Variants in TCF7L1 observed in about 807,000 individuals in gnomAD.
TCF7L1 encodes transcription factor 7-like 1.
Under a neutral mutation model 63.7 loss-of-function variants are expected in TCF7L1, and 18 were observed. The ratio of observed to expected loss-of-function variants is 0.28; its 90% CI spans 0.20 to 0.42. The LOEUF (loss-of-function observed/expected upper bound fraction) is 0.42, where lower values mean the gene tolerates loss of function less well. Ranked by LOEUF, TCF7L1 falls within the 10% of genes least tolerant of loss-of-function variation. TCF7L1 has a pLI of 1.00. For missense variants in TCF7L1, 654 were observed against 779.3 expected, an observed-to-expected ratio of 0.84 and a Z score of 1.91; for synonymous variants, 355 against 340.9, an observed-to-expected ratio of 1.04 and a Z score of -0.46.
chr2:85,309,508 A>AATG lies in TCF7L1; in HGVS notation c.*49_*51dup. On this transcript the variant is annotated 3_prime_UTR_variant, in exon 12 of 12. Transcript: ENST00000282111. ...GCTGTCACATGACTCATTGAGTAGT[A>AATG]ATGATTCAGAAGAAAAAGAAAAAGG... The AATG allele has an allele frequency of 6.7e-7, 1 of 1,503,192 alleles. No homozygotes were observed. Among genetic ancestry groups the AATG allele is most frequent in the Non-Finnish European group, 8.9e-7 (1 of 1,123,642 alleles). The allele number at this position is 1,503,192 out of a possible 1,614,324, so 93.1% of individuals were successfully genotyped here. A position where few individuals can be genotyped will look rare whatever the true frequency, so the allele number is the denominator to read the frequency against.
intron 8 of TCF7L1, 85 bp downstream of exon 8, chr2:85,305,488 A>G (rs1239663364): frequency 1.4e-6 from 2 of 1,466,782 alleles, no homozygotes; most frequent in East Asian, 2.4e-5. Flanking sequence ...AATGTCATGT[A>G]CTCTTCTCTC....
chr2:85,222,128 G>A (rs940292112), intron 3 of TCF7L1, among the ~76,000 whole-genome samples: 1 of 152,022 alleles, frequency 6.6e-6, no homozygotes, highest in Admixed American at 6.5e-5. Flanking sequence ...GATCACCTGA[G>A]GTCAGGAGTT....
At chr2:85,227,438 C>CTTT (rs562921251) in intron 3 of TCF7L1, among the ~76,000 whole-genome samples, 10 of 141,654 alleles carry the variant, frequency 7.1e-5, no homozygotes, top group African/African-American at 2.3e-4. Context: ...AATACCCCCT[C>CTTT]TTTTTTTTTT....
intron 3 of TCF7L1, among the ~76,000 whole-genome samples, chr2:85,214,270 C>T (rs1572994832): frequency 6.6e-6 from 1 of 152,202 alleles, no homozygotes; most frequent in African/African-American, 2.4e-5. Flanking sequence ...ATTCGATTAC[C>T]GGGTGATGCT....
intron 3 of TCF7L1, among the ~76,000 whole-genome samples, chr2:85,204,232 T>G (rs765422455): frequency 2.6e-5 from 4 of 151,964 alleles, no homozygotes; most frequent in Middle Eastern, 6.8e-3. Flanking sequence ...CTACTATGTA[T>G]TATTTTGTGG....
chr2:85,210,690 C>T (rs561435923), intron 3 of TCF7L1, among the ~76,000 whole-genome samples: 2 of 152,158 alleles, frequency 1.3e-5, no homozygotes, highest in Admixed American at 6.5e-5. Context: ...TTCCATGGGG[C>T]GTGGCAAGGG....
At chr2:85,222,028 T>A (rs1217605785) in intron 3 of TCF7L1, among the ~76,000 whole-genome samples, 1 of 151,454 alleles carries the variant, frequency 6.6e-6, no homozygotes, top group Non-Finnish European at 1.5e-5. Flanking sequence ...GAAAGACTCC[T>A]AAAGATTAAA....
intron 3 of TCF7L1, among the ~76,000 whole-genome samples, chr2:85,239,689 T>C (rs1424477182): frequency 1.3e-5 from 2 of 152,124 alleles, no homozygotes; most frequent in African/African-American, 2.4e-5. Context: ...ATGCCTGTAA[T>C]CCAGGCACCT....
At chr2:85,226,917 CA>C (rs777896320) in intron 3 of TCF7L1, among the ~76,000 whole-genome samples, 2 of 149,662 alleles carry the variant, frequency 1.3e-5, no homozygotes, top group East Asian at 2.0e-4. Context: ...AAATTGAACA[CA>C]AGGTCTTGCT....
chr2:85,233,425 C>T (rs556484366), intron 3 of TCF7L1, among the ~76,000 whole-genome samples: 2 of 151,608 alleles, frequency 1.3e-5, no homozygotes, highest in African/African-American at 4.8e-5. Context: ...AAGTGATTCT[C>T]CTGCCTCAGT....
chr2:85,306,960 G>A lies in TCF7L1; in HGVS notation c.1257+401G>A, dbSNP rs987771441. Among the ~76,000 whole-genome samples, 8 of 152,310 alleles carry A rather than the reference G, an allele frequency of 5.3e-5. No homozygotes were observed. Among genetic ancestry groups the A allele is most frequent in the South Asian group, 2.1e-4 (1 of 4,830 alleles). ...ATTACAGGCGTGAGCCACCGCGCCCGGCCAGCGACTGCATTTATAGAGGAC... is the reference window on the plus strand; with the variant it reads ...ATTACAGGCGTGAGCCACCGCGCCCAGCCAGCGACTGCATTTATAGAGGAC... On this transcript the variant is annotated intron_variant, in intron 10 of 11. Transcript: ENST00000282111. This position sits in a 1 kb window ranked among gnomAD's most constrained non-coding sequence, Gnocchi z 4.3.
At chr2:85,283,096 A>G (rs1041293776) in intron 3 of TCF7L1, among the ~76,000 whole-genome samples, 1 of 151,956 alleles carries the variant, frequency 6.6e-6, no homozygotes, top group Non-Finnish European at 1.5e-5. Flanking sequence ...ATGGGGCAGG[A>G]TGGCCATCTG....
At chr2:85,300,349 C>A (rs1237888534) in intron 4 of TCF7L1, among the ~76,000 whole-genome samples, 1 of 152,176 alleles carries the variant, frequency 6.6e-6, no homozygotes, top group Non-Finnish European at 1.5e-5. Context: ...GAAATCTGAT[C>A]TTACAATAAT....
chr2:85,233,000 C>T (rs1680117249), intron 3 of TCF7L1: 1 of 152,200 alleles, frequency 6.6e-6, no homozygotes, highest in Non-Finnish European at 1.5e-5. Flanking sequence ...AGCGAAATCA[C>T]AGCTCACTGC....
At chr2:85,177,402 C>T (rs756125802) in intron 3 of TCF7L1, among the ~76,000 whole-genome samples, 26 of 152,172 alleles carry the variant, frequency 1.7e-4, no homozygotes, top group Non-Finnish European at 3.7e-4. Flanking sequence ...AGTCAACATC[C>T]ACCACACTAT....
chr2:85,206,819 G>A (rs1679420084), intron 3 of TCF7L1, among the ~76,000 whole-genome samples: 1 of 152,120 alleles, frequency 6.6e-6, no homozygotes, highest in Admixed American at 6.6e-5. Context: ...TTAATCCCAG[G>A]AAACAAACGT....
Position 85,190,429 on chromosome 2 carries a change from C to T in TCF7L1, c.441+55979C>T, listed in dbSNP as rs193265314. Among the ~76,000 whole-genome samples the T allele has an allele frequency of 3.0e-3, 464 of 152,262 alleles. 4 individuals are homozygous for T. Among genetic ancestry groups the T allele is most frequent in the Admixed American group, 3.7e-3 (57 of 15,308 alleles). ...GAGTAAGGAGCACCATAGGCCTCTGCAGAGGCCAGTCTTGGGTGGCTGGTT... is the reference window on the plus strand; with the variant it reads ...GAGTAAGGAGCACCATAGGCCTCTGTAGAGGCCAGTCTTGGGTGGCTGGTT... On this transcript the variant is annotated intron_variant, in intron 3 of 11. Coordinates refer to ENST00000282111, the MANE Select transcript of TCF7L1 (RefSeq NM_031283.3).
chr2:85,301,765 G>T (rs530088597), intron 4 of TCF7L1, among the ~76,000 whole-genome samples: 93 of 152,290 alleles, frequency 6.1e-4, no homozygotes, highest in African/African-American at 2.2e-3. Context: ...CCCCTGCCCT[G>T]TTCCCAGTCC....
At chr2:85,234,478 C>CT (rs1180646463) in intron 3 of TCF7L1, among the ~76,000 whole-genome samples, 1 of 152,118 alleles carries the variant, frequency 6.6e-6, no homozygotes, top group Non-Finnish European at 1.5e-5. Flanking sequence ...GGTAGAAACT[C>CT]TGCCTGGTAA....
Sources: allele counts gnomAD v4.1 joint callset (sites outside exome capture counted in the v4.1 genomes callset), GRCh38; gene constraint gnomAD v4.1.1; non-coding constraint Gnocchi (gnomAD v3.1); transcripts MANE v1.5; gene names NCBI Gene and HGNC (gene_info 2026-07-23, HGNC 2026-07-21).